Variants in SLC9A9 observed in about 807,000 individuals in gnomAD.
The protein encoded by SLC9A9 is solute carrier family 9 member A9.
Under a neutral mutation model 77.8 loss-of-function variants are expected in SLC9A9, and 62 were observed. The observed-to-expected ratio is 0.80, with a 90% CI of 0.65 to 0.98. The LOEUF (loss-of-function observed/expected upper bound fraction) is 0.98, where lower values mean the gene tolerates loss of function less well. Among genes scored for constraint, SLC9A9 ranks in the 50% least tolerant of loss-of-function variants. The pLI is 0.00. For synonymous variants in SLC9A9, 320 were observed against 283.5 expected, an observed-to-expected ratio of 1.13 and a Z score of -1.29; for missense variants, 775 against 774.9, an observed-to-expected ratio of 1.00 and a Z score of 0.00.
rs141788718 is a variant in SLC9A9 at position 143,707,829 on chromosome 3, T to C, written c.534-14522A>G. Among the ~76,000 whole-genome samples the C allele has an allele frequency of 2.0e-5, 3 of 152,274 alleles. No homozygotes were observed. In the East Asian group the frequency reaches 5.8e-4, roughly 29 times the overall value. On this transcript the variant is annotated intron_variant, in intron 4 of 15. Coordinates refer to ENST00000316549, the MANE Select transcript of SLC9A9 (RefSeq NM_173653.4). ...GGTTGTGATGAAATAAACTGTCCTTTAATCATGGCTGTGGTCCCAGGGTCC... is the reference window on the plus strand; with the variant it reads ...GGTTGTGATGAAATAAACTGTCCTTCAATCATGGCTGTGGTCCCAGGGTCC...
At chr3:143,553,233 G>A (rs2036923124) in intron 8 of SLC9A9, among the ~76,000 whole-genome samples, 1 of 152,172 alleles carries the variant, frequency 6.6e-6, no homozygotes, top group South Asian at 2.1e-4. Context: ...GGAGACAGAG[G>A]AAGAGCGACC....
intron 9 of SLC9A9, among the ~76,000 whole-genome samples, chr3:143,528,878 A>G (rs375745681): frequency 1.3e-3 from 196 of 152,278 alleles, no homozygotes; most frequent in African/African-American, 4.5e-3. Context: ...ATAGGTCAGG[A>G]GTTTATTATC....
Position 143,578,484 on chromosome 3 carries a change from C to G in SLC9A9, c.894+101G>C, listed in dbSNP as rs143746570. 1.5e-4 allele frequency: 241 copies of G among 1,571,222 alleles called. 1 individual carries two copies. In the African/African-American group the frequency reaches 2.1e-3, roughly 14 times the overall value. On this transcript the variant is annotated intron_variant, in intron 7 of 15. Transcript: ENST00000316549. The stretch of plus-strand genomic sequence containing the variant: ...CCGTATGAAACTTGGACCAGACTAT[C>G]TAGCCTTTTATGGGCCTGGAGGTTG...
chr3:143,726,592 C>G (rs372029267), intron 4 of SLC9A9, among the ~76,000 whole-genome samples: 1 of 152,266 alleles, frequency 6.6e-6, no homozygotes, highest in South Asian at 2.1e-4. Flanking sequence ...TGACACATCC[C>G]TTCAAGGGAT....
intron 14 of SLC9A9, among the ~76,000 whole-genome samples, chr3:143,293,543 T>C (rs1485969220): frequency 6.6e-6 from 1 of 152,182 alleles, no homozygotes; most frequent in Non-Finnish European, 1.5e-5. Context: ...GCCCTCAGTA[T>C]TGCCAGTACT....
chr3:143,621,257 GA>G (rs1452891327), intron 6 of SLC9A9, among the ~76,000 whole-genome samples: 1 of 152,224 alleles, frequency 6.6e-6, no homozygotes, highest in Non-Finnish European at 1.5e-5. Context: ...TGACAGCTTT[GA>G]AGAGAGTAGT....
At chr3:143,514,935 C>A (rs568654067) in intron 9 of SLC9A9, among the ~76,000 whole-genome samples, 79 of 152,262 alleles carry the variant, frequency 5.2e-4, no homozygotes, top group African/African-American at 1.8e-3. Context: ...AATAAATTGG[C>A]TGTTTTGTGC....
chr3:143,353,863 C>A (rs2032525066), intron 14 of SLC9A9, among the ~76,000 whole-genome samples: 2 of 151,620 alleles, frequency 1.3e-5, no homozygotes, highest in African/African-American at 2.4e-5. Flanking sequence ...ATATGAAAAC[C>A]AAACCCAAGC....
At chr3:143,516,441 C>T (rs1003480659) in intron 9 of SLC9A9, among the ~76,000 whole-genome samples, 1 of 152,028 alleles carries the variant, frequency 6.6e-6, no homozygotes. Context: ...TATCTTAACT[C>T]GTTAAATTTA....
At chr3:143,527,311 G>A (rs2036423813) in intron 9 of SLC9A9, among the ~76,000 whole-genome samples, 1 of 152,182 alleles carries the variant, frequency 6.6e-6, no homozygotes, top group African/African-American at 2.4e-5. Flanking sequence ...TTGAAGCACA[G>A]TACCTCTAAT....
Position 143,510,586 on chromosome 3 carries a change from G to A in SLC9A9, c.1090-15138C>T, listed in dbSNP as rs76341492. Reference sequence around the variant, plus strand: ...ATTTTCAAATTTAATTTTTTCATCCGATTCTTATTACGTCTTCTTGTACCC... The same window carrying A: ...ATTTTCAAATTTAATTTTTTCATCCAATTCTTATTACGTCTTCTTGTACCC... On this transcript the variant is annotated intron_variant, in intron 9 of 15. Coordinates refer to ENST00000316549, the MANE Select transcript of SLC9A9 (RefSeq NM_173653.4). 9.6e-3 allele frequency among the ~76,000 whole-genome samples: 1,460 copies of A among 151,946 alleles called. 11 individuals carry two copies. The highest frequency in any genetic ancestry group is 0.015 in the Non-Finnish European group (1,019 of 67,932).
At chr3:143,506,163 G>A (rs2036013763) in intron 9 of SLC9A9, among the ~76,000 whole-genome samples, 1 of 152,186 alleles carries the variant, frequency 6.6e-6, no homozygotes, top group Admixed American at 6.5e-5. Context: ...CCATTTTGAT[G>A]AATTTAAACA....
At chr3:143,572,984 G>A (rs1340766747) in intron 8 of SLC9A9, among the ~76,000 whole-genome samples, 4 of 152,126 alleles carry the variant, frequency 2.6e-5, no homozygotes, top group East Asian at 1.9e-4. Flanking sequence ...GTAGAAATGC[G>A]TGGTCCCCCA....
At chr3:143,624,943 A>C (rs1359543622) in intron 6 of SLC9A9, among the ~76,000 whole-genome samples, 1 of 152,182 alleles carries the variant, frequency 6.6e-6, no homozygotes. Flanking sequence ...AATGTGCAAA[A>C]ATTACAAGCA....
At chr3:143,675,813 A>G (rs780874027) in intron 5 of SLC9A9, among the ~76,000 whole-genome samples, 1 of 152,178 alleles carries the variant, frequency 6.6e-6, no homozygotes, top group African/African-American at 2.4e-5. Context: ...CATAATATGC[A>G]TACTCTTTGT....
intron 12 of SLC9A9, among the ~76,000 whole-genome samples, chr3:143,449,836 A>G (rs2034954179): frequency 3.7e-5 from 1 of 26,918 alleles, no homozygotes; most frequent in Non-Finnish European, 5.3e-5. Flanking sequence ...ATATAATTAT[A>G]TGTATTATAT....
intron 4 of SLC9A9, among the ~76,000 whole-genome samples, chr3:143,756,506 A>G (rs1030631998): frequency 6.6e-6 from 1 of 152,196 alleles, no homozygotes; most frequent in Admixed American, 6.5e-5. Context: ...TGTCCTATGT[A>G]TATGAAACAT....
intron 4 of SLC9A9, among the ~76,000 whole-genome samples, chr3:143,723,262 A>G (rs1427801276): frequency 2.6e-5 from 4 of 151,910 alleles, no homozygotes; most frequent in Non-Finnish European, 4.4e-5. Flanking sequence ...GAAAAAAAAA[A>G]TGAAACAAAA....
chr3:143,594,373 C>T (rs1292069475), intron 6 of SLC9A9, among the ~76,000 whole-genome samples: 1 of 152,202 alleles, frequency 6.6e-6, no homozygotes, highest in East Asian at 1.9e-4. Flanking sequence ...GGGCCTCTTG[C>T]AAGCCAGAAC....
Sources: gnomAD v4.1 joint callset for allele counts (sites outside exome capture counted in the v4.1 genomes callset) on GRCh38, gnomAD v4.1.1 for gene constraint, MANE v1.5 for transcripts, NCBI Gene and HGNC (gene_info 2026-07-23, HGNC 2026-07-21) for gene names.